The following ADAMTSL1 variants were observed in gnomAD, a reference collection of about 807,000 sequenced individuals.
ADAMTSL1 encodes the protein ADAMTS like 1.
ADAMTSL1 carries 126 observed loss-of-function variants against 201.8 expected under a neutral mutation model. The observed-to-expected ratio is 0.62, with a 90% CI of 0.54 to 0.72. The LOEUF is 0.72. Ranked by LOEUF, ADAMTSL1 falls within the 30% of genes least tolerant of loss-of-function variation. ADAMTSL1 has a pLI of 0.00. For synonymous variants in ADAMTSL1, 1,121 were observed against 903.4 expected, an observed-to-expected ratio of 1.24 and a Z score of -4.32; for missense variants, 2,679 against 2,277.8, an observed-to-expected ratio of 1.18 and a Z score of -3.59.
At chr9:17,913,695 C>G (rs202221020) in intron 1 of ADAMTSL1, among the ~76,000 whole-genome samples, 3 of 151,864 alleles carry the variant, frequency 2.0e-5, no homozygotes, top group East Asian at 1.9e-4. Context: ...AGGAAATAGA[C>G]ACACAAAAAA....
intron 16 of ADAMTSL1, among the ~76,000 whole-genome samples, chr9:18,769,069 C>T (rs1820531329): frequency 6.6e-6 from 1 of 152,136 alleles, no homozygotes; most frequent in African/African-American, 2.4e-5. Context: ...TTTAAAAGCT[C>T]CCCAGGAGAC....
At chr9:18,477,041 C>A (rs1212124635) in intron 1 of ADAMTSL1, among the ~76,000 whole-genome samples, 1 of 152,200 alleles carries the variant, frequency 6.6e-6, no homozygotes, top group African/African-American at 2.4e-5. Context: ...GACAGTAGTA[C>A]TGATCAAGAG....
chr9:18,226,051 T>C (rs150727396), intron 2 of ADAMTSL1, among the ~76,000 whole-genome samples: 1 of 152,312 alleles, frequency 6.6e-6, no homozygotes, highest in East Asian at 1.9e-4. Flanking sequence ...TAGGTTAATA[T>C]TAATTTAGGT....
intron 2 of ADAMTSL1, among the ~76,000 whole-genome samples, chr9:18,517,420 TA>T (rs913362169): frequency 3.4e-5 from 5 of 148,896 alleles, no homozygotes; most frequent in African/African-American, 9.9e-5. Context: ...TTTTTTAATT[TA>T]TTTTTTTTTA....
Position 18,521,002 on chromosome 9 carries a change from C to T in ADAMTSL1, c.192-12245C>T, listed in dbSNP as rs750169152. 2.3e-4 allele frequency among the ~76,000 whole-genome samples: 35 copies of T among 152,108 alleles called. 1 individual carries two copies. The highest frequency in any genetic ancestry group is 7.2e-4 in the African/African-American group (30 of 41,494). ...CCAAAGCACCAAGAACCTCTGTTTCCGCCTTTCCACTGGTGGTTATATGTA... is the reference window on the plus strand; with the variant it reads ...CCAAAGCACCAAGAACCTCTGTTTCTGCCTTTCCACTGGTGGTTATATGTA... On this transcript the variant is annotated intron_variant, in intron 2 of 28. Transcript: ENST00000380548.
intron 1 of ADAMTSL1, among the ~76,000 whole-genome samples, chr9:17,934,875 T>C (rs1826939377): frequency 1.4e-5 from 2 of 144,898 alleles, no homozygotes; most frequent in African/African-American, 5.1e-5. Context: ...TAGTAATTCT[T>C]CCCCTCTTTC....
intron 1 of ADAMTSL1, among the ~76,000 whole-genome samples, chr9:18,495,154 T>C (rs1044184577): frequency 6.6e-6 from 1 of 152,210 alleles, no homozygotes; most frequent in Admixed American, 6.5e-5. Flanking sequence ...AGCAGTTAAA[T>C]ATTTTGTTGT....
intron 4 of ADAMTSL1, among the ~76,000 whole-genome samples, chr9:18,594,488 C>A (rs1172226214): frequency 1.3e-5 from 2 of 152,094 alleles, no homozygotes; most frequent in African/African-American, 2.4e-5. Context: ...TCCTGTAGAT[C>A]CCATAAACTT....
At chr9:18,108,406 C>A (rs952645696) in intron 1 of ADAMTSL1, among the ~76,000 whole-genome samples, 5 of 151,870 alleles carry the variant, frequency 3.3e-5, no homozygotes, top group Admixed American at 3.3e-4. Context: ...TGCCATATTG[C>A]ACAGGCTGGT....
intron 2 of ADAMTSL1, among the ~76,000 whole-genome samples, chr9:18,364,623 CA>C (rs1372150305): frequency 6.7e-6 from 1 of 148,458 alleles, no homozygotes; most frequent in Non-Finnish European, 1.5e-5. Context: ...TACAGAATAA[CA>C]TGCCTGTATT....
chr9:18,698,895 C>T (rs1454281193), intron 13 of ADAMTSL1, among the ~76,000 whole-genome samples: 2 of 152,140 alleles, frequency 1.3e-5, no homozygotes, highest in East Asian at 3.9e-4. Context: ...TCCTGATGGT[C>T]AGTGGGACCC....
chr9:18,764,755 G>T (rs1005545074), intron 16 of ADAMTSL1, among the ~76,000 whole-genome samples: 1 of 152,210 alleles, frequency 6.6e-6, no homozygotes, highest in Non-Finnish European at 1.5e-5. Context: ...ATTGTCAGGA[G>T]TCTAGACTTT....
At chr9:18,314,023 A>G (rs1350209632) in intron 2 of ADAMTSL1, among the ~76,000 whole-genome samples, 1 of 152,170 alleles carries the variant, frequency 6.6e-6, no homozygotes, top group Non-Finnish European at 1.5e-5. Flanking sequence ...TGGGCAAAGG[A>G]CTTGAATAAA....
intron 4 of ADAMTSL1, among the ~76,000 whole-genome samples, chr9:18,580,203 A>G (rs59249261): frequency 1.3e-5 from 2 of 152,356 alleles, no homozygotes; most frequent in East Asian, 3.9e-4. Context: ...AAAATGAATA[A>G]TACAGTACAG....
intron 4 of ADAMTSL1, 84 bp from the exon 5 acceptor site, chr9:18,622,159 G>C: frequency 6.5e-7 from 1 of 1,545,284 alleles, no homozygotes; most frequent in Non-Finnish European, 8.8e-7. Flanking sequence ...ATGAAGGGAG[G>C]GTTATTTCAT....
chr9:17,916,829 T>A (rs900475739), intron 1 of ADAMTSL1, among the ~76,000 whole-genome samples: 1 of 152,160 alleles, frequency 6.6e-6, no homozygotes, highest in Admixed American at 6.5e-5. Flanking sequence ...CATGCGGGGA[T>A]TTGATTAGGA....
chr9:17,978,307 T>C (rs746373323), intron 1 of ADAMTSL1, among the ~76,000 whole-genome samples: 3 of 152,112 alleles, frequency 2.0e-5, no homozygotes, highest in Non-Finnish European at 4.4e-5. Context: ...TATCAATAAG[T>C]AAATACTTAC....
At chr9:18,868,062 T>C (rs1827654085) in intron 23 of ADAMTSL1, among the ~76,000 whole-genome samples, 1 of 152,220 alleles carries the variant, frequency 6.6e-6, no homozygotes, top group Admixed American at 6.5e-5. Context: ...ATTTCTATTA[T>C]TATATCTTGG....
rs1378503383 is a variant in ADAMTSL1, at chr9:18,635,985, T to C, written c.644T>C (p.Ile215Thr). ...VVAIPYGSRHIRLVLKGPDHL... is the reference protein window; with the variant it reads ...VVAIPYGSRHTRLVLKGPDHL... Reference sequence around the variant, plus strand: ...GCAATTCCCTATGGAAGTAGACATATTCGCCTTGTCTTAAAAGGTCCTGAT... The same window carrying C: ...GCAATTCCCTATGGAAGTAGACATACTCGCCTTGTCTTAAAAGGTCCTGAT... Residue 215 changes from isoleucine to threonine, a missense_variant, in exon 6 of 29, where the codon ATT (isoleucine) becomes ACT (threonine). Transcript: ENST00000380548. 3 of 1,602,998 alleles carry C rather than the reference T, an allele frequency of 1.9e-6. No homozygotes were observed. The highest frequency in any genetic ancestry group is 2.3e-5 in the East Asian group (1 of 44,266).
Sources: allele counts gnomAD v4.1 joint callset (sites outside exome capture counted in the v4.1 genomes callset), GRCh38; gene constraint gnomAD v4.1.1; transcripts MANE v1.5; gene names NCBI Gene and HGNC (gene_info 2026-07-23, HGNC 2026-07-21).